FNDC3B: variants seen among roughly 807,000 people sequenced by gnomAD.
The protein encoded by FNDC3B is fibronectin type III domain containing 3B.
Under a neutral mutation model 151.5 loss-of-function variants are expected in FNDC3B, and 12 were observed. The ratio of observed to expected loss-of-function variants is 0.08; its 90% CI spans 0.05 to 0.13. The LOEUF is 0.13. FNDC3B is among the 10% of genes least tolerant of loss of function. FNDC3B has a pLI of 1.00. For missense variants in FNDC3B, 1,214 were observed against 1,505.3 expected, an observed-to-expected ratio of 0.81 and a Z score of 3.20; for synonymous variants, 528 against 549.0, an observed-to-expected ratio of 0.96 and a Z score of 0.54.
chr3:172,237,415 T>C (rs1727223571), intron 4 of FNDC3B: 1 of 152,180 alleles, frequency 6.6e-6, no homozygotes, highest in Admixed American at 6.5e-5. Flanking sequence ...GTGGTCGCAC[T>C]AAGTTCAGCA....
intron 17 of FNDC3B, 100 bp downstream of exon 17, chr3:172,341,331 G>C (rs570549): frequency 1.2e-6 from 1 of 862,120 alleles, no homozygotes; most frequent in South Asian, 1.3e-5. Context: ...ATGTATCTTG[G>C]TAATGCAACC....
intron 11 of FNDC3B, among the ~76,000 whole-genome samples, chr3:172,319,346 C>T (rs1015170223): frequency 6.6e-6 from 1 of 152,142 alleles, no homozygotes; most frequent in Non-Finnish European, 1.5e-5. Flanking sequence ...CTTAACACAT[C>T]GATCCTCTCA....
intron 1 of FNDC3B, among the ~76,000 whole-genome samples, chr3:172,041,421 C>G (rs1320498053): frequency 2.2e-5 from 1 of 45,686 alleles, no homozygotes; most frequent in African/African-American, 1.0e-4. Flanking sequence ...CTCCTTCCTT[C>G]CTTCCTTCCT....
intron 11 of FNDC3B, among the ~76,000 whole-genome samples, chr3:172,314,936 G>T (rs963584648): frequency 2.0e-5 from 3 of 152,168 alleles, no homozygotes; most frequent in Non-Finnish European, 4.4e-5. Flanking sequence ...CTGTAGCATA[G>T]AATTCACTTG....
intron 1 of FNDC3B, among the ~76,000 whole-genome samples, chr3:172,103,266 A>G (rs1719460996): frequency 6.6e-6 from 1 of 152,126 alleles, no homozygotes; most frequent in Non-Finnish European, 1.5e-5. Context: ...GAGATTGTGT[A>G]TATATAGTGA....
Position 172,343,044 on chromosome 3 carries a change from A to G in FNDC3B, c.2005A>G (p.Ile669Val), listed in dbSNP as rs1239839197. 1.9e-6 allele frequency: 3 copies of G among 1,613,384 alleles called. No homozygotes were observed. Among genetic ancestry groups the G allele is most frequent in the East Asian group, 4.5e-5 (2 of 44,888 alleles). The change falls in exon 18 of 26, where the codon ATT (isoleucine) becomes GTT (valine). Residue 669 changes from isoleucine to valine, a missense_variant. By Grantham distance (29) the Ile-to-Val change is conservative. This residue lies in a region of FNDC3B where 380 missense variants were observed against 420.9 expected (regional missense o/e 0.90). Coordinates refer to ENST00000415807, the MANE Select transcript of FNDC3B (RefSeq NM_022763.4). ...AAGTCTCCCTGTTCGCACACTAAGC[A>G]TTGCACCAGGTCAATGTCGACCACC... ...SESLPVRTLS[I>V]APGQCRPPRV...
chr3:172,097,305 G>A (rs1241841629), intron 1 of FNDC3B, among the ~76,000 whole-genome samples: 1 of 152,126 alleles, frequency 6.6e-6, no homozygotes, highest in Admixed American at 6.5e-5. Context: ...CCTTAGGGCT[G>A]GTTTTGTAAA....
chr3:172,126,159 A>C (rs770778345), intron 2 of FNDC3B, among the ~76,000 whole-genome samples: 1 of 152,054 alleles, frequency 6.6e-6, no homozygotes, highest in South Asian at 2.1e-4. Flanking sequence ...TGGAGTTTCA[A>C]CTTGGCTCAT....
chr3:172,394,249 G>C (rs906531379), intron 25 of FNDC3B, among the ~76,000 whole-genome samples: 2 of 151,078 alleles, frequency 1.3e-5, no homozygotes, highest in Non-Finnish European at 2.9e-5. Context: ...GGGGGAGGGA[G>C]AAACTAAGCC....
intron 4 of FNDC3B, among the ~76,000 whole-genome samples, chr3:172,236,814 A>C (rs570269492): frequency 1.3e-5 from 2 of 152,274 alleles, no homozygotes; most frequent in African/African-American, 4.8e-5. Context: ...TTAATTTGGA[A>C]AGTCTTTATT....
At chr3:172,370,449 C>CT (rs1242875101) in intron 23 of FNDC3B, among the ~76,000 whole-genome samples, 1 of 152,188 alleles carries the variant, frequency 6.6e-6, no homozygotes, top group African/African-American at 2.4e-5. Context: ...AAAGTATAGT[C>CT]TTCCCCAAGA....
At position 172,332,366 on chromosome 3, in the gene FNDC3B, C is replaced by A. The variant is rs1341096208; in HGVS notation, c.1555-723C>A. Among the ~76,000 whole-genome samples the A allele has an allele frequency of 2.0e-5, 3 of 152,212 alleles. No individual in the cohort carries two copies. In the East Asian group the frequency reaches 5.8e-4, roughly 29 times the overall value. On this transcript the variant is annotated intron_variant, in intron 13 of 25. Transcript: ENST00000415807. Reference sequence around the variant, plus strand: ...AGCTGTAGAAAGCCCTCACCAGTTCCACCACTGTATCCTCCTACCTAGCTT... The same window carrying A: ...AGCTGTAGAAAGCCCTCACCAGTTCAACCACTGTATCCTCCTACCTAGCTT...
chr3:172,134,119 AAAGTC>A (rs1034421162), intron 3 of FNDC3B, among the ~76,000 whole-genome samples: 1 of 152,182 alleles, frequency 6.6e-6, no homozygotes, highest in African/African-American at 2.4e-5. Flanking sequence ...AAGATCTCCA[AAAGTC>A]TTATCCCATT....
chr3:172,364,925 G>C (rs1734540904), intron 23 of FNDC3B, among the ~76,000 whole-genome samples: 1 of 152,186 alleles, frequency 6.6e-6, no homozygotes. Flanking sequence ...CTCTCAGAAA[G>C]TTATTAAAGT....
At chr3:172,114,517 A>G (rs944625677) in intron 2 of FNDC3B, among the ~76,000 whole-genome samples, 2 of 152,168 alleles carry the variant, frequency 1.3e-5, no homozygotes, top group East Asian at 1.9e-4. Context: ...CCAGCAGGCT[A>G]CGTGGCATTT....
Position 172,156,072 on chromosome 3 carries a change from T to TC in FNDC3B, c.187+22527dup, listed in dbSNP as rs537006982. Among the ~76,000 whole-genome samples the TC allele has an allele frequency of 6.0e-3, 911 of 152,316 alleles. 6 individuals are homozygous for TC. The highest frequency in any genetic ancestry group is 8.1e-3 in the Non-Finnish European group (549 of 68,032). ...ATACAACTGCGAGTAGGAGGCCATG[T>TC]CAGTGGGGGGTGATCATTCTTTTGT... On this transcript the variant is annotated intron_variant, in intron 3 of 25. Coordinates refer to ENST00000415807, the MANE Select transcript of FNDC3B (RefSeq NM_022763.4).
At chr3:172,206,638 A>T (rs545745227) in intron 3 of FNDC3B, among the ~76,000 whole-genome samples, 11 of 123,328 alleles carry the variant, frequency 8.9e-5, no homozygotes, top group African/African-American at 2.9e-4. Context: ...CAGCCTGGGC[A>T]ACAAGAGCGA....
intron 1 of FNDC3B, among the ~76,000 whole-genome samples, chr3:172,087,053 A>C (rs924558469): frequency 1.2e-4 from 19 of 152,096 alleles, no homozygotes; most frequent in African/African-American, 3.6e-4. Flanking sequence ...CTTCCAAGCC[A>C]CTCCCGGAGA....
At chr3:172,375,416 TCCTTATGTCTCCCCTTCCCA>T (rs1361051479) in intron 23 of FNDC3B, among the ~76,000 whole-genome samples, 1 of 152,196 alleles carries the variant, frequency 6.6e-6, no homozygotes, top group Admixed American at 6.5e-5. Flanking sequence ...CTCTTAGGAT[TCCTTATGTCTCCCCTTCCCA>T]CCTTATACTT....
Sources: allele counts gnomAD v4.1 joint callset (sites outside exome capture counted in the v4.1 genomes callset), GRCh38; gene constraint gnomAD v4.1.1; regional missense constraint gnomAD v4.1.1; transcripts MANE v1.5; gene names NCBI Gene and HGNC (gene_info 2026-07-23, HGNC 2026-07-21).